The following CYFIP2 variants were observed in gnomAD, a reference collection of about 807,000 sequenced individuals.
The protein encoded by CYFIP2 is cytoplasmic FMR1 interacting protein 2, also known as cytoplasmic FMR1-interacting protein 2.
CYFIP2 carries 29 observed loss-of-function variants against 158.7 expected under a neutral mutation model. The observed-to-expected ratio is 0.18, with a 90% CI of 0.14 to 0.25. The LOEUF is 0.25. CYFIP2 is among the 10% of genes least tolerant of loss of function. The probability of loss-of-function intolerance (pLI) is 1.00; values close to 1 mark genes in which losing one functional copy is unlikely to be tolerated. For synonymous variants in CYFIP2, 585 were observed against 617.6 expected, an observed-to-expected ratio of 0.95 and a Z score of 0.78; for missense variants, 852 against 1,639.5, an observed-to-expected ratio of 0.52 and a Z score of 8.29.
intron 5 of CYFIP2, among the ~76,000 whole-genome samples, chr5:157,298,493 G>A (rs1022868555): frequency 1.4e-5 from 2 of 139,604 alleles, no homozygotes; most frequent in South Asian, 2.4e-4. Flanking sequence ...GTGCCACCAC[G>A]ACCAGCTACT....
At chr5:157,330,270 G>A (rs951104643) in intron 19 of CYFIP2, among the ~76,000 whole-genome samples, 1 of 148,746 alleles carries the variant, frequency 6.7e-6, no homozygotes, top group African/African-American at 2.6e-5. Flanking sequence ...GTGTGTGTGT[G>A]TGTGTGTGTG....
chr5:157,282,967 CCATT>C (rs1430155774), intron 1 of CYFIP2, among the ~76,000 whole-genome samples: 1 of 152,182 alleles, frequency 6.6e-6, no homozygotes, highest in Non-Finnish European at 1.5e-5. Context: ...GGGCCAAGAA[CCATT>C]AACACAGAGT....
chr5:157,373,437 T>C (rs1765175020), intron 26 of CYFIP2, among the ~76,000 whole-genome samples: 1 of 152,160 alleles, frequency 6.6e-6, no homozygotes, highest in Admixed American at 6.5e-5. Flanking sequence ...GAAATTCTAT[T>C]AGAGACTCGC....
At chr5:157,278,260 C>G (rs906277878) in intron 1 of CYFIP2, among the ~76,000 whole-genome samples, 3 of 151,938 alleles carry the variant, frequency 2.0e-5, no homozygotes, top group Admixed American at 2.0e-4. Context: ...CTTATATAGC[C>G]TCTGGCTGGA....
chr5:157,353,503 C>T (rs1389894332), intron 23 of CYFIP2, among the ~76,000 whole-genome samples: 1 of 152,122 alleles, frequency 6.6e-6, no homozygotes, highest in African/African-American at 2.4e-5. Context: ...AGCCCTATGG[C>T]CCCCCAAATG....
At position 157,393,467 on chromosome 5, in the gene CYFIP2, C is replaced by G. The variant is rs1285993345; in HGVS notation, c.*467C>G. Reference sequence around the variant, plus strand: ...GGCCAGAAGGGCATGCCTCAGCTTACTACTTCATCTCTCCTGGTTCCCTCC... The same window carrying G: ...GGCCAGAAGGGCATGCCTCAGCTTAGTACTTCATCTCTCCTGGTTCCCTCC... On this transcript the variant is annotated 3_prime_UTR_variant, in exon 31 of 31. Coordinates refer to ENST00000620254, the MANE Select transcript of CYFIP2 (RefSeq NM_001037333.3). 1 of 153,536 alleles carries G rather than the reference C, an allele frequency of 6.5e-6. No individual in the cohort carries two copies. Among genetic ancestry groups the G allele is most frequent in the Non-Finnish European group, 1.4e-5 (1 of 69,074 alleles). 9.5% of individuals were successfully genotyped at this position (153,536 alleles called of 1,614,324 possible).
intron 30 of CYFIP2, 57 bp downstream of exon 30, chr5:157,390,725 T>C: frequency 6.4e-7 from 1 of 1,552,016 alleles, no homozygotes; most frequent in South Asian, 1.2e-5. Flanking sequence ...AACCAGGCTT[T>C]TACCAGAAAA....
intron 11 of CYFIP2, among the ~76,000 whole-genome samples, chr5:157,313,092 T>C (rs1260475987): frequency 6.6e-6 from 1 of 152,216 alleles, no homozygotes; most frequent in African/African-American, 2.4e-5. Flanking sequence ...TTATATGCTC[T>C]ATACATGTTG....
intron 23 of CYFIP2, among the ~76,000 whole-genome samples, chr5:157,353,704 G>A (rs1297507582): frequency 6.6e-6 from 1 of 152,156 alleles, no homozygotes; most frequent in Non-Finnish European, 1.5e-5. Flanking sequence ...TTAGGGAATT[G>A]AGCTGCAGCC....
chr5:157,379,322 A>G (rs1456838709), intron 26 of CYFIP2, among the ~76,000 whole-genome samples: 2 of 152,130 alleles, frequency 1.3e-5, no homozygotes, highest in African/African-American at 4.8e-5. Context: ...CCTTTCCATG[A>G]AAGGACAAAA....
chr5:157,369,984 C>T (rs1023669682), intron 26 of CYFIP2, among the ~76,000 whole-genome samples: 3 of 150,580 alleles, frequency 2.0e-5, no homozygotes, highest in African/African-American at 4.9e-5. Flanking sequence ...TGGGTTCAAG[C>T]AGTTCTCTGC....
chr5:157,353,290 A>C (rs1228292974), intron 23 of CYFIP2, among the ~76,000 whole-genome samples: 1 of 152,224 alleles, frequency 6.6e-6, no homozygotes, highest in African/African-American at 2.4e-5. Flanking sequence ...CAAAAGTTTT[A>C]GCATCTCTGA....
intron 3 of CYFIP2, among the ~76,000 whole-genome samples, chr5:157,292,729 G>A (rs954214066): frequency 1.3e-5 from 2 of 152,130 alleles, no homozygotes; most frequent in East Asian, 3.8e-4. Context: ...TTTCTGTGTG[G>A]ACATATGTTT....
At chr5:157,330,886 G>C (rs751867971) in intron 20 of CYFIP2, 36 bp downstream of exon 20, 1 of 1,518,500 alleles carries the variant, frequency 6.6e-7, no homozygotes, top group South Asian at 1.1e-5. Flanking sequence ...AGATGGAAGG[G>C]GCAGGAGAGA....
In CYFIP2 at chr5:157,311,636, C is replaced by G. The variant is rs373811779; in HGVS notation, c.993-28C>G. On this transcript the variant is annotated intron_variant, in intron 10 of 30. Transcript: ENST00000620254. The surrounding 1 kb of genome is among the most constrained non-coding windows in gnomAD (Gnocchi z 4.7). Reference sequence around the variant, plus strand: ...CACCCAGGCGCCTGAGGCTGGGACCCTCTCCGACCCCATAATTTTCTACCC... The same window carrying G: ...CACCCAGGCGCCTGAGGCTGGGACCGTCTCCGACCCCATAATTTTCTACCC... 776 of 1,572,676 alleles carry G rather than the reference C, an allele frequency of 4.9e-4. 5 individuals carry two copies. The African/African-American group carries it at 9.6e-3, about 19-fold the overall frequency.
chr5:157,390,481 C>A, intron 29 of CYFIP2, 40 bp from the exon 30 acceptor site: 1 of 1,531,106 alleles, frequency 6.5e-7, no homozygotes, highest in African/African-American at 1.4e-5. Context: ...CCCTCCTCCC[C>A]CGACCTCTCA....
At position 157,383,294 on chromosome 5, in the gene CYFIP2, C is replaced by T. The variant is rs374707103; in HGVS notation, c.3142C>T (p.Arg1048Cys). Residue 1048 changes from arginine (R) to cysteine (C), a missense_variant, in exon 28 of 31, where the codon CGT (arginine) becomes TGT (cysteine). Physicochemically the swap from Arg to Cys is radical, Grantham distance 180. Coordinates refer to ENST00000620254, the MANE Select transcript of CYFIP2 (RefSeq NM_001037333.3). The stretch of plus-strand genomic sequence containing the variant: ...GGAGCGCCTGGAGGTCCGGATGAAA[C>T]GTCTGGAAGCCAAGTATGCCCCGCT... ...EGERLEVRMKRLEAKYAPLHL... is the reference protein window; with the variant it reads ...EGERLEVRMKCLEAKYAPLHL... 1.2e-6 allele frequency: 2 copies of T among 1,613,848 alleles called. No homozygotes were observed. The highest frequency in any genetic ancestry group is 1.7e-6 in the Non-Finnish European group (2 of 1,179,856).
intron 26 of CYFIP2, among the ~76,000 whole-genome samples, chr5:157,373,116 T>G (rs1296091728): frequency 6.6e-6 from 1 of 152,176 alleles, no homozygotes; most frequent in East Asian, 1.9e-4. Flanking sequence ...ATACTTAAAA[T>G]TCAAACTCCC....
intron 1 of CYFIP2, chr5:157,277,224 T>G (rs567398265): frequency 2.6e-5 from 4 of 152,072 alleles, no homozygotes; most frequent in African/African-American, 9.7e-5. Flanking sequence ...AGGGATGAGG[T>G]TTCACCATGT....
Sources: gnomAD v4.1 joint callset for allele counts (sites outside exome capture counted in the v4.1 genomes callset) on GRCh38, gnomAD v4.1.1 for gene constraint, Gnocchi (gnomAD v3.1) non-coding constraint, MANE v1.5 for transcripts, NCBI Gene and HGNC (gene_info 2026-07-23, HGNC 2026-07-21) for gene names.